P2RX1: variants seen among roughly 807,000 people sequenced by gnomAD.
P2RX1 encodes the protein P2X purinoceptor 1.
Under a neutral mutation model 50.3 loss-of-function variants are expected in P2RX1, and 42 were observed. The observed-to-expected ratio is 0.83, with a 90% CI of 0.65 to 1.08. The LOEUF (loss-of-function observed/expected upper bound fraction) is 1.08, where lower values mean the gene tolerates loss of function less well. Ranked by LOEUF, P2RX1 falls within the 50% of genes least tolerant of loss-of-function variation. The pLI is 0.00. For synonymous variants in P2RX1, 199 were observed against 202.6 expected (o/e 0.98, Z 0.15); for missense variants, 449 against 529.0 (o/e 0.85, Z 1.48).
intron 1 of P2RX1, among the ~76,000 whole-genome samples, chr17:3,911,228 T>C (rs2040660288): frequency 6.6e-6 from 1 of 151,914 alleles, no homozygotes; most frequent in Admixed American, 6.6e-5. Context: ...GCTGAAGTGA[T>C]CCGCTCACTT....
intron 10 of P2RX1, 56 bp from the exon 11 acceptor site, chr17:3,898,166 C>G: frequency 7.2e-7 from 1 of 1,392,714 alleles, no homozygotes; most frequent in Non-Finnish European, 1.0e-6. Context: ...GGGTACGGAG[C>G]CCTCCACATC....
intron 1 of P2RX1, among the ~76,000 whole-genome samples, chr17:3,909,413 C>T (rs903899391): frequency 2.0e-5 from 3 of 152,176 alleles, no homozygotes; most frequent in South Asian, 2.1e-4. Flanking sequence ...CACTGTTCTC[C>T]GTTCCTCCTT....
intron 1 of P2RX1, among the ~76,000 whole-genome samples, chr17:3,905,914 C>G (rs1347825091): frequency 6.6e-6 from 1 of 151,680 alleles, no homozygotes; most frequent in Non-Finnish European, 1.5e-5. Context: ...CAATCCTTTT[C>G]CAAGAACAGA....
rs530146590 is a variant in P2RX1 at position 3,897,052 on chromosome 17, G to T, written c.*762C>A. On this transcript the variant is annotated 3_prime_UTR_variant, in exon 12 of 12. Transcript: ENST00000225538. ...CCTGAACAGGAAGTGCAGGCTCAGG[G>T]CTAAGTCTGACTCCCGCTCAGGAGC... 6.5e-6 allele frequency: 1 copy of T among 153,654 alleles called. No individual in the cohort carries two copies. Among genetic ancestry groups the T allele is most frequent in the African/African-American group, 2.4e-5 (1 of 41,448 alleles). The allele number at this position is 153,654 out of a possible 1,614,324, so 9.5% of individuals were successfully genotyped here.
Position 3,903,848 on chromosome 17 carries a change from A to G in P2RX1, c.524+80T>C, listed in dbSNP as rs535570155. 1.3e-4 allele frequency: 173 copies of G among 1,295,312 alleles called. No homozygotes were observed. The African/African-American group carries it at 2.2e-3, about 17-fold the overall frequency. The allele number at this position is 1,295,312 out of a possible 1,614,324, so 80.2% of individuals were successfully genotyped here. ...TGAGGGTGGGGTCAGAAAAAGGGGTAAAGATCCTTTCTAGACCTAGGCCCC... is the reference window on the plus strand; with the variant it reads ...TGAGGGTGGGGTCAGAAAAAGGGGTGAAGATCCTTTCTAGACCTAGGCCCC... On this transcript the variant is annotated intron_variant, in intron 5 of 11. Transcript: ENST00000225538. The surrounding 1 kb of genome is among the most constrained non-coding windows in gnomAD (Gnocchi z 4.6).
intron 7 of P2RX1, among the ~76,000 whole-genome samples, chr17:3,901,600 A>C (rs755116646): frequency 6.6e-6 from 1 of 152,136 alleles, no homozygotes; most frequent in African/African-American, 2.4e-5. Context: ...CTGGCCCTTG[A>C]AAAAAAAGTT....
intron 1 of P2RX1, among the ~76,000 whole-genome samples, chr17:3,906,421 G>A (rs1333145453): frequency 1.3e-5 from 2 of 152,154 alleles, no homozygotes; most frequent in East Asian, 1.9e-4. Context: ...ATGAGCCACC[G>A]CACCCGGCCA....
chr17:3,906,279 GCAC>G (rs2056261496), intron 1 of P2RX1, among the ~76,000 whole-genome samples: 1 of 152,062 alleles, frequency 6.6e-6, no homozygotes, highest in Non-Finnish European at 1.5e-5. Flanking sequence ...TTACAGGCAT[GCAC>G]CACCACGCCC....
At chr17:3,905,509 C>T in intron 1 of P2RX1, 142 bp from the exon 2 acceptor site, 1 of 853,136 alleles carries the variant, frequency 1.2e-6, no homozygotes, top group Non-Finnish European at 1.8e-6. Flanking sequence ...GCAGGACAGC[C>T]TCCCCTGCCT....
At chr17:3,905,025 C>T in intron 2 of P2RX1, 96 bp from the exon 3 acceptor site, 1 of 1,142,336 alleles carries the variant, frequency 8.8e-7, no homozygotes, top group Non-Finnish European at 1.3e-6. Flanking sequence ...CCCCTAGAGC[C>T]CACAGGACAC....
chr17:3,914,694 GC>G lies in P2RX1; in HGVS notation c.137+1394del, dbSNP rs1163053548. On this transcript the variant is annotated intron_variant, in intron 1 of 11. Transcript: ENST00000225538. The surrounding 1 kb of genome is among the most constrained non-coding windows in gnomAD (Gnocchi z 4.1). ...CAGTGCCCAGTAGAAAGGATCCACAGCCCCTTGTGATGGTGAGGAAGGAGAA... is the reference window on the plus strand; with the variant it reads ...CAGTGCCCAGTAGAAAGGATCCACAGCCCTTGTGATGGTGAGGAAGGAGAA... 2.0e-5 allele frequency among the ~76,000 whole-genome samples: 3 copies of G among 152,178 alleles called. No homozygotes were observed. The highest frequency in any genetic ancestry group is 4.4e-5 in the Non-Finnish European group (3 of 68,030).
chr17:3,912,234 T>C (rs1349372922), intron 1 of P2RX1, among the ~76,000 whole-genome samples: 1 of 152,188 alleles, frequency 6.6e-6, no homozygotes, highest in Non-Finnish European at 1.5e-5. Context: ...TCCTGGAGGA[T>C]CCAGCCGGGC....
chr17:3,904,950 G>T (rs1555548201), intron 2 of P2RX1, 21 bp from the exon 3 acceptor site: 4 of 1,290,188 alleles, frequency 3.1e-6, no homozygotes, highest in Non-Finnish European at 2.2e-6. Context: ...GGGGCAGGGG[G>T]AGGGTGGGGT....
intron 1 of P2RX1, among the ~76,000 whole-genome samples, chr17:3,906,156 G>T (rs946886929): frequency 6.6e-6 from 1 of 151,830 alleles, no homozygotes; most frequent in South Asian, 2.1e-4. Flanking sequence ...TTTTGAGACG[G>T]AGTCTCGCTT....
In P2RX1 at chr17:3,899,645, G is replaced by C; in HGVS notation, c.864C>G (p.Gly288=). ...GGCCTGGCAGACACCTGAAGTTGAA[G>C]CCTGGGGAGAGATTTTTCTCTTCGT... The part of the protein sequence containing the change: ...GLYEEKNLSP[G]FNFRFARHFV... The change falls in exon 8 of 12, where the codon GGC becomes GGG. Residue 288 remains glycine, a synonymous_variant. Transcript: ENST00000225538. 2.5e-6 allele frequency: 4 copies of C among 1,613,498 alleles called. No individual in the cohort carries two copies. The highest frequency in any genetic ancestry group is 3.4e-6 in the Non-Finnish European group (4 of 1,179,602).
At chr17:3,901,543 G>A (rs750350368) in intron 7 of P2RX1, among the ~76,000 whole-genome samples, 1 of 152,250 alleles carries the variant, frequency 6.6e-6, no homozygotes, top group East Asian at 1.9e-4. Flanking sequence ...GACTTGGGTA[G>A]TTGGCACGGA....
In P2RX1 at chr17:3,899,730, T is replaced by C; in HGVS notation, c.779A>G (p.His260Arg). 6.2e-7 allele frequency: 1 copy of C among 1,613,928 alleles called. No homozygotes were observed. Among genetic ancestry groups the C allele is most frequent in the Non-Finnish European group, 8.5e-7 (1 of 1,179,872 alleles). The part of the protein sequence containing the change: ...GGVVGITIDW[H>R]CDLDWHVRHC... Reference sequence around the variant, plus strand: ...CCGTACGTGCCAGTCCAGGTCACAGTGCCAGTCGATGGTGATGCCAACCAC... The same window carrying C: ...CCGTACGTGCCAGTCCAGGTCACAGCGCCAGTCGATGGTGATGCCAACCAC... Residue 260 changes from histidine to arginine, a missense_variant, in exon 8 of 12, where the codon CAC becomes CGC. His to Arg is a conservative substitution (Grantham distance 29, BLOSUM62 0). Transcript: ENST00000225538.
chr17:3,901,107 A>T (rs899394438), intron 7 of P2RX1, among the ~76,000 whole-genome samples: 11 of 151,974 alleles, frequency 7.2e-5, no homozygotes, highest in Non-Finnish European at 1.0e-4. Flanking sequence ...TTGCTCTGTC[A>T]CCCAGACTGG....
Position 3,916,449 on chromosome 17 carries a change from C to T in P2RX1, c.-224G>A. 15 of 542,108 alleles carry T rather than the reference C, an allele frequency of 2.8e-5. No homozygotes were observed. In the South Asian group the frequency reaches 3.7e-4, roughly 13 times the overall value. 33.6% of individuals were successfully genotyped at this position (542,108 alleles called of 1,614,324 possible). A position where few individuals can be genotyped will look rare whatever the true frequency, so the allele number is the denominator to read the frequency against. On this transcript the variant is annotated 5_prime_UTR_variant, in exon 1 of 12. Coordinates refer to ENST00000225538, the MANE Select transcript of P2RX1 (RefSeq NM_002558.4). ...GGGTGATCAGAGCAGCTCTTGGCCC[C>T]TGGAAGGCAACAGACTGCAGGCCAG...
Sources: allele counts gnomAD v4.1 joint callset (sites outside exome capture counted in the v4.1 genomes callset), GRCh38; gene constraint gnomAD v4.1.1; non-coding constraint Gnocchi (gnomAD v3.1); transcripts MANE v1.5; gene names NCBI Gene and HGNC (gene_info 2026-07-23, HGNC 2026-07-21).